KAZN: variants seen among roughly 807,000 people sequenced by gnomAD.
KAZN encodes the protein kazrin, periplakin interacting protein.
Under a neutral mutation model 87.4 loss-of-function variants are expected in KAZN, and 40 were observed. The ratio of observed to expected loss-of-function variants is 0.46; its 90% CI spans 0.36 to 0.60. KAZN has a LOEUF of 0.60. Among genes scored for constraint, KAZN ranks in the 20% least tolerant of loss-of-function variants. The pLI, the probability that KAZN is intolerant of heterozygous loss-of-function variation, is 0.00. For synonymous variants in KAZN, 466 were observed against 458.3 expected (o/e 1.02, Z -0.22); for missense variants, 898 against 1,073.9 (o/e 0.84, Z 2.29).
chr1:14,231,370 A>G (rs946606540), intron 2 of KAZN, among the ~76,000 whole-genome samples: 5 of 143,650 alleles, frequency 3.5e-5, no homozygotes, highest in African/African-American at 1.0e-4. Context: ...GATAAAGTGT[A>G]GCCAGAAGGG....
intron 1 of KAZN, among the ~76,000 whole-genome samples, chr1:13,915,573 G>T (rs1639820488): frequency 6.6e-6 from 1 of 152,168 alleles, no homozygotes; most frequent in African/African-American, 2.4e-5. Flanking sequence ...CAGCCCTGGG[G>T]CTGTGTGCAC....
chr1:15,006,539 C>A (rs917872689), intron 2 of KAZN, among the ~76,000 whole-genome samples: 4 of 152,204 alleles, frequency 2.6e-5, no homozygotes, highest in African/African-American at 9.7e-5. Context: ...CGTGTCAGAG[C>A]GGAAGCAGGT....
intron 1 of KAZN, among the ~76,000 whole-genome samples, chr1:14,679,277 G>A (rs1008351759): frequency 1.3e-5 from 2 of 151,796 alleles, no homozygotes; most frequent in African/African-American, 4.8e-5. Flanking sequence ...CAGAGCTTTT[G>A]TTGGGTCTTT....
chr1:14,731,978 C>T (rs1340135603), intron 1 of KAZN, among the ~76,000 whole-genome samples: 8 of 152,328 alleles, frequency 5.3e-5, no homozygotes, highest in Admixed American at 2.0e-4. Context: ...CCAAATGGTG[C>T]GGCTAAGCCG....
At chr1:14,831,548 C>T (rs186868104) in intron 1 of KAZN, among the ~76,000 whole-genome samples, 1,638 of 152,312 alleles carry the variant, frequency 0.011, 18 homozygotes, top group Middle Eastern at 0.034. Context: ...AGTTTCTCAG[C>T]GGCCTGGCCA....
chr1:14,101,985 G>C (rs1373454586), intron 1 of KAZN, among the ~76,000 whole-genome samples: 2 of 152,084 alleles, frequency 1.3e-5, no homozygotes, highest in Non-Finnish European at 2.9e-5. Context: ...ACCTTTTAGA[G>C]AGAATGAACT....
intron 2 of KAZN, among the ~76,000 whole-genome samples, chr1:14,451,687 AT>A (rs1237370056): frequency 1.3e-5 from 2 of 152,212 alleles, no homozygotes; most frequent in South Asian, 4.1e-4. Flanking sequence ...AAGTCTCAAG[AT>A]TTGCAGTCAG....
At chr1:14,308,671 T>C (rs1161940058) in intron 2 of KAZN, among the ~76,000 whole-genome samples, 3 of 152,210 alleles carry the variant, frequency 2.0e-5, no homozygotes, top group African/African-American at 7.2e-5. Context: ...TCTCTGTGCC[T>C]GTTTCCTTGC....
rs1269247072 is a variant in KAZN, at chr1:14,184,687, G to C, written c.249+4095G>C. Among the ~76,000 whole-genome samples the C allele has an allele frequency of 6.6e-6, 1 of 152,128 alleles. No homozygotes were observed. The highest frequency in any genetic ancestry group is 2.4e-5 in the African/African-American group (1 of 41,432). Reference sequence around the variant, plus strand: ...TCCAATTGGTTTCTGGCAAAACTGGGCCGATTGAACATGATCAGCTATTTT... The same window carrying C: ...TCCAATTGGTTTCTGGCAAAACTGGCCCGATTGAACATGATCAGCTATTTT... On this transcript the variant is annotated intron_variant, in intron 2 of 16. Transcript: ENST00000636203. This position sits in a 1 kb window ranked among gnomAD's most constrained non-coding sequence, Gnocchi z 4.2.
Position 15,066,343 on chromosome 1 carries a change from C to T in KAZN, c.1222+590C>T. The T allele has an allele frequency of 1.0e-6, 1 of 983,880 alleles. No individual in the cohort carries two copies. The allele number at this position is 983,880 out of a possible 1,614,324, so 60.9% of individuals were successfully genotyped here. A position where few individuals can be genotyped will look rare whatever the true frequency, so the allele number is the denominator to read the frequency against. On this transcript the variant is annotated intron_variant, in intron 8 of 14. Transcript: ENST00000376030. The surrounding 1 kb of genome is among the most constrained non-coding windows in gnomAD (Gnocchi z 4.3). ...TGTTTTTGATGTCCCCCCTCCCGCC[C>T]CCCTGGTGTGAACGTGTGGGACCAG...
chr1:14,025,825 A>G (rs1641046554), intron 1 of KAZN, among the ~76,000 whole-genome samples: 1 of 151,956 alleles, frequency 6.6e-6, no homozygotes, highest in Non-Finnish European at 1.5e-5. Context: ...CTCCATTCTT[A>G]CCTCCCCAGT....
chr1:14,396,460 T>C (rs1340959063), intron 2 of KAZN, among the ~76,000 whole-genome samples: 1 of 152,222 alleles, frequency 6.6e-6, no homozygotes, highest in Non-Finnish European at 1.5e-5. Context: ...GGCCAATATC[T>C]AACTCCTTTT....
chr1:14,864,260 G>C (rs965283595), intron 1 of KAZN, among the ~76,000 whole-genome samples: 5 of 152,212 alleles, frequency 3.3e-5, no homozygotes, highest in African/African-American at 1.2e-4. Context: ...TCAAGGGACT[G>C]TTTCAACAAT....
At chr1:14,880,809 C>T (rs1172638248) in intron 1 of KAZN, among the ~76,000 whole-genome samples, 1 of 152,140 alleles carries the variant, frequency 6.6e-6, no homozygotes, top group Non-Finnish European at 1.5e-5. Flanking sequence ...AACTGCAGGC[C>T]TTTGATGACC....
intron 1 of KAZN, among the ~76,000 whole-genome samples, chr1:14,868,636 AG>A (rs1279123192): frequency 6.6e-6 from 1 of 151,772 alleles, no homozygotes; most frequent in African/African-American, 2.4e-5. Flanking sequence ...AGGGGAATCT[AG>A]TAGGCTCCTC....
rs75424784 is a variant in KAZN at position 14,037,408 on chromosome 1, C to T, written c.92-143027C>T. Among the ~76,000 whole-genome samples the T allele has an allele frequency of 9.2e-3, 1,401 of 152,286 alleles. 58 individuals carry two copies. In the East Asian group the frequency reaches 0.15, roughly 16 times the overall value. ...GTAGAAACAGCATTTCTGATGCTTT[C>T]GTATAAAGCGGAGAAATCTCTGCAC... On this transcript the variant is annotated intron_variant, in intron 1 of 16. Transcript: ENST00000636203.
chr1:14,622,793 C>T (rs1267300072), intron 1 of KAZN, among the ~76,000 whole-genome samples: 3 of 151,732 alleles, frequency 2.0e-5, no homozygotes, highest in African/African-American at 7.3e-5. Context: ...CATTCTGATT[C>T]TTTTATTAAG....
chr1:14,176,613 C>A (rs921033968), intron 1 of KAZN, among the ~76,000 whole-genome samples: 5 of 152,142 alleles, frequency 3.3e-5, no homozygotes, highest in Non-Finnish European at 7.4e-5. Flanking sequence ...TCCCCTCTAG[C>A]CCAGGAAAGG....
At chr1:14,698,451 G>A (rs933610990) in intron 1 of KAZN, among the ~76,000 whole-genome samples, 34 of 152,346 alleles carry the variant, frequency 2.2e-4, no homozygotes, top group African/African-American at 7.7e-4. Context: ...TGCCGTTGGG[G>A]TCAGGTGGCT....
Sources: gnomAD v4.1 joint callset for allele counts (sites outside exome capture counted in the v4.1 genomes callset) on GRCh38, gnomAD v4.1.1 for gene constraint, Gnocchi (gnomAD v3.1) non-coding constraint, MANE v1.5 for transcripts, NCBI Gene and HGNC (gene_info 2026-07-23, HGNC 2026-07-21) for gene names.